ADGRL2: variants seen among roughly 807,000 people sequenced by gnomAD.
ADGRL2 encodes the protein adhesion G protein-coupled receptor L2.
In ADGRL2, 44 loss-of-function variants were observed where a neutral mutation model predicts 157.4. The observed-to-expected ratio is 0.28, with a 90% CI of 0.22 to 0.36. The LOEUF (loss-of-function observed/expected upper bound fraction) is 0.36. Among genes scored for constraint, ADGRL2 ranks in the 10% least tolerant of loss-of-function variants. ADGRL2 has a pLI of 1.00. For missense variants in ADGRL2, 1,510 were observed against 1,768.9 expected, an observed-to-expected ratio of 0.85 and a Z score of 2.63; for synonymous variants, 585 against 624.7, an observed-to-expected ratio of 0.94 and a Z score of 0.95.
chr1:81,511,445 C>T (rs541395966), intron 2 of ADGRL2, among the ~76,000 whole-genome samples: 2 of 144,644 alleles, frequency 1.4e-5, no homozygotes, highest in Non-Finnish European at 3.0e-5. Flanking sequence ...TACAAGAAAA[C>T]ACCAACACCA....
upstream of ADGRL2, among the ~76,000 whole-genome samples, chr1:81,796,055 AT>A (rs1275444801): frequency 6.6e-6 from 1 of 152,178 alleles, no homozygotes; most frequent in Non-Finnish European, 1.5e-5. Context: ...CAGTGGCACT[AT>A]CTCGGCTCAC....
chr1:81,528,137 G>A (rs1038788144), intron 2 of ADGRL2, among the ~76,000 whole-genome samples: 10 of 152,108 alleles, frequency 6.6e-5, no homozygotes, highest in Admixed American at 2.0e-4. Flanking sequence ...CAACAAATTC[G>A]CTGACAGCAT....
At chr1:81,371,193 C>T (rs767037871) in intron 1 of ADGRL2, among the ~76,000 whole-genome samples, 14 of 152,180 alleles carry the variant, frequency 9.2e-5, no homozygotes, top group African/African-American at 3.4e-4. Flanking sequence ...GAACCGACCA[C>T]CTCACCCTTC....
chr1:81,504,188 T>C (rs1308719986), intron 2 of ADGRL2, among the ~76,000 whole-genome samples: 1 of 152,160 alleles, frequency 6.6e-6, no homozygotes, highest in East Asian at 1.9e-4. Context: ...CGGACCATTC[T>C]CTGGCCGCCC....
At chr1:81,827,601 C>T (rs575327787) in intron 1 of ADGRL2, among the ~76,000 whole-genome samples, 4 of 152,230 alleles carry the variant, frequency 2.6e-5, no homozygotes, top group Non-Finnish European at 4.4e-5. Flanking sequence ...AATCTCTCTT[C>T]GTCACCTGGG....
At position 81,337,487 on chromosome 1, in the gene ADGRL2, C is replaced by T. The variant is rs80233140; in HGVS notation, c.-302+30978C>T. ...AGAGCTGTGGGCTGAGTAAACAAGC[C>T]ATCCCCTTCATGAAGACCGTGAAAG... On this transcript the variant is annotated intron_variant, in intron 1 of 24. Coordinates refer to the ADGRL2 transcript ENST00000370721. 2.7e-3 allele frequency among the ~76,000 whole-genome samples: 418 copies of T among 152,300 alleles called. 5 individuals are homozygous for T. In the South Asian group the frequency reaches 0.052, roughly 19 times the overall value.
At chr1:81,739,208 A>G (rs1419674236) in intron 1 of ADGRL2, among the ~76,000 whole-genome samples, 1 of 152,254 alleles carries the variant, frequency 6.6e-6, no homozygotes, top group Non-Finnish European at 1.5e-5. Flanking sequence ...GCTAAGATGC[A>G]GTCTCTGGAG....
chr1:81,726,425 G>C (rs1014860093), intron 1 of ADGRL2, among the ~76,000 whole-genome samples: 2 of 152,102 alleles, frequency 1.3e-5, no homozygotes, highest in African/African-American at 4.8e-5. Context: ...AGTCATGTGT[G>C]GCTATTGATT....
intron 1 of ADGRL2, among the ~76,000 whole-genome samples, chr1:81,387,455 A>G (rs189820914): frequency 1.3e-5 from 2 of 152,236 alleles, no homozygotes; most frequent in East Asian, 3.9e-4. Flanking sequence ...GGCAGGTTGT[A>G]TTTATGATTT....
intron 1 of ADGRL2, among the ~76,000 whole-genome samples, chr1:81,379,044 A>T (rs2076299587): frequency 6.6e-6 from 1 of 152,146 alleles, no homozygotes; most frequent in South Asian, 2.1e-4. Flanking sequence ...GAAATCTATC[A>T]TGTTTGCCAG....
intron 11 of ADGRL2, 45 bp downstream of exon 11, chr1:81,956,105 A>G (rs371797448): frequency 2.2e-6 from 3 of 1,381,774 alleles, no homozygotes; most frequent in Non-Finnish European, 2.0e-6. Flanking sequence ...TAGGATATTC[A>G]TATGTAAGAG....
At chr1:81,826,217 A>G (rs944232082) in intron 1 of ADGRL2, among the ~76,000 whole-genome samples, 1 of 152,158 alleles carries the variant, frequency 6.6e-6, no homozygotes, top group African/African-American at 2.4e-5. Flanking sequence ...CTGTTACTTC[A>G]TAGTAGATGT....
At chr1:81,496,282 G>A (rs1186791750) in intron 2 of ADGRL2, among the ~76,000 whole-genome samples, 2 of 152,126 alleles carry the variant, frequency 1.3e-5, no homozygotes, top group Admixed American at 6.6e-5. Context: ...CACTGGCATT[G>A]CAACCAATAA....
intron 17 of ADGRL2, among the ~76,000 whole-genome samples, chr1:81,975,649 C>T (rs767288052): frequency 1.2e-4 from 16 of 137,644 alleles, no homozygotes; most frequent in Admixed American, 7.0e-4. Flanking sequence ...TTGGTGGGGG[C>T]GGGGGAGAAG....
chr1:81,955,429 T>C (rs1407756784), intron 10 of ADGRL2, among the ~76,000 whole-genome samples: 1 of 152,128 alleles, frequency 6.6e-6, no homozygotes, highest in Non-Finnish European at 1.5e-5. Context: ...AAAAATAATA[T>C]AGTTTAATTT....
At chr1:81,868,060 GGTGTGTGTGTGTGTGT>G (rs145794673) in intron 2 of ADGRL2, among the ~76,000 whole-genome samples, 5 of 145,558 alleles carry the variant, frequency 3.4e-5, no homozygotes, top group Non-Finnish European at 7.6e-5. Flanking sequence ...GTGTGTGTGT[GGTGTGTGTGTGTGTGT>G]GTGTGTGTGT....
In ADGRL2 at chr1:81,747,597, C is replaced by T. The variant is rs145124219; in HGVS notation, c.-142-14214C>T. Among the ~76,000 whole-genome samples, 855 of 151,992 alleles carry T rather than the reference C, an allele frequency of 5.6e-3. 5 individuals carry two copies. The highest frequency in any genetic ancestry group is 0.02 in the East Asian group (102 of 5,144). On this transcript the variant is annotated intron_variant, in intron 1 of 20. Coordinates refer to the ADGRL2 transcript ENST00000359929. ...GATTACAGGTGTGAGCCACCATGCCCGGCCTCAAATTATATTTTAAACATT... is the reference window on the plus strand; with the variant it reads ...GATTACAGGTGTGAGCCACCATGCCTGGCCTCAAATTATATTTTAAACATT...
chr1:81,502,788 C>T, intron 2 of ADGRL2: 1 of 1,613,024 alleles, frequency 6.2e-7, no homozygotes, highest in Non-Finnish European at 8.5e-7. Flanking sequence ...ACAGCTCCTC[C>T]CTCTTTGGCT....
chr1:81,651,905 G>A (rs1211131747), intron 3 of ADGRL2, among the ~76,000 whole-genome samples: 1 of 151,404 alleles, frequency 6.6e-6, no homozygotes, highest in Non-Finnish European at 1.5e-5. Flanking sequence ...TTTATTTTTT[G>A]TAGAGACAGG....
Sources: gnomAD v4.1 joint callset for allele counts (sites outside exome capture counted in the v4.1 genomes callset) on GRCh38, gnomAD v4.1.1 for gene constraint, MANE v1.5 for transcripts, NCBI Gene and HGNC (gene_info 2026-07-23, HGNC 2026-07-21) for gene names.